The following LRRTM4 variants were observed in gnomAD, a reference collection of about 807,000 sequenced individuals.
The protein encoded by LRRTM4 is leucine-rich repeat transmembrane neuronal protein 4.
In LRRTM4, 25 loss-of-function variants were observed where a neutral mutation model predicts 47.6. The ratio of observed to expected loss-of-function variants is 0.53; its 90% CI spans 0.38 to 0.73. The LOEUF (loss-of-function observed/expected upper bound fraction) is 0.73. LRRTM4 is among the 30% of genes least tolerant of loss of function. The pLI, the probability that LRRTM4 is intolerant of heterozygous loss-of-function variation, is 0.00. For missense variants in LRRTM4, 638 were observed against 713.4 expected (o/e 0.89, Z 1.20); for synonymous variants, 311 against 269.5 (o/e 1.15, Z -1.51).
chr2:77,490,955 CA>C lies in LRRTM4; in HGVS notation c.1551+27362del, dbSNP rs1407782351. 1.3e-4 allele frequency among the ~76,000 whole-genome samples: 20 copies of C among 151,088 alleles called. 1 individual carries two copies. Among genetic ancestry groups the C allele is most frequent in the Admixed American group, 1.3e-3 (20 of 15,232 alleles). ...CAGTGCAACAGTTCACAAAATGATTCATTTTTTTTTCATATAATAAGGTAAA... is the reference window on the plus strand; with the variant it reads ...CAGTGCAACAGTTCACAAAATGATTCTTTTTTTTTCATATAATAAGGTAAA... On this transcript the variant is annotated intron_variant, in intron 3 of 3. Transcript: ENST00000409884.
At chr2:77,353,467 T>C (rs1671858461) in intron 3 of LRRTM4, among the ~76,000 whole-genome samples, 2 of 152,138 alleles carry the variant, frequency 1.3e-5, no homozygotes, top group African/African-American at 2.4e-5. Flanking sequence ...AATACAAAAA[T>C]CTATTACCTA....
At chr2:77,457,048 A>ATATATATATATG (rs1374730571) in intron 3 of LRRTM4, among the ~76,000 whole-genome samples, 10 of 14,648 alleles carry the variant, frequency 6.8e-4, no homozygotes, top group African/African-American at 1.7e-3. Context: ...ATATATATAT[A>ATATATATATATG]TATGTATAAC....
At chr2:76,956,859 A>G (rs1224109081) in intron 3 of LRRTM4, among the ~76,000 whole-genome samples, 34 of 151,560 alleles carry the variant, frequency 2.2e-4, no homozygotes, top group Non-Finnish European at 4.4e-5. Context: ...ATAAATTTCT[A>G]GAAACCTACA....
At chr2:76,975,874 T>C (rs1415144355) in intron 3 of LRRTM4, among the ~76,000 whole-genome samples, 1 of 151,758 alleles carries the variant, frequency 6.6e-6, no homozygotes, top group African/African-American at 2.4e-5. Flanking sequence ...AACAAGCAAA[T>C]AAGTCATAAC....
rs985052915 is a variant in LRRTM4 at position 77,522,173 on chromosome 2, C to T, written c.-212G>A. Reference sequence around the variant, plus strand: ...TAAAGCAATTCATCCTCTGGATTTTCAGTTCTTGAAGCAAGTAGGCCTCCT... The same window carrying T: ...TAAAGCAATTCATCCTCTGGATTTTTAGTTCTTGAAGCAAGTAGGCCTCCT... On this transcript the variant is annotated 5_prime_UTR_variant, in exon 1 of 4. Transcript: ENST00000409884. The T allele has an allele frequency of 1.4e-6, 1 of 714,240 alleles. No homozygotes were observed. Among genetic ancestry groups the T allele is most frequent in the Admixed American group, 2.0e-5 (1 of 49,782 alleles). The allele number at this position is 714,240 out of a possible 1,614,324, so 44.2% of individuals were successfully genotyped here.
chr2:77,480,823 GAGAGAGAGAGAGAGAGA>G (rs1255960760), intron 3 of LRRTM4, among the ~76,000 whole-genome samples: 2,450 of 24,156 alleles, frequency 0.1, 27 homozygotes, highest in Non-Finnish European at 0.18. Flanking sequence ...TGTGTGTGTG[GAGAGAGAGAGAGAGAGA>G]GAGAGAGAGA....
chr2:76,805,008 GATT>G (rs1403432909), intron 3 of LRRTM4, among the ~76,000 whole-genome samples: 1 of 152,066 alleles, frequency 6.6e-6, no homozygotes, highest in Non-Finnish European at 1.5e-5. Flanking sequence ...TAAAGCGGGA[GATT>G]GACTATGACC....
At chr2:76,759,763 A>C in intron 3 of LRRTM4, among the ~76,000 whole-genome samples, 1 of 151,598 alleles carries the variant, frequency 6.6e-6, no homozygotes, top group Non-Finnish European at 1.5e-5. Flanking sequence ...TTCCCCTCCA[A>C]CCCCATTTTT....
intron 3 of LRRTM4, among the ~76,000 whole-genome samples, chr2:77,367,326 G>A (rs1300883959): frequency 6.6e-6 from 1 of 151,290 alleles, no homozygotes. Context: ...CTACATGAAA[G>A]CAGGAGGCTG....
intron 3 of LRRTM4, among the ~76,000 whole-genome samples, chr2:77,091,273 G>A (rs1471777508): frequency 1.3e-5 from 2 of 149,096 alleles, no homozygotes; most frequent in East Asian, 4.0e-4. Flanking sequence ...ACAAGTATAA[G>A]ATACCTCTAC....
At chr2:76,763,595 G>A (rs1203372388) in intron 3 of LRRTM4, among the ~76,000 whole-genome samples, 1 of 152,190 alleles carries the variant, frequency 6.6e-6, no homozygotes, top group Non-Finnish European at 1.5e-5. Flanking sequence ...GATGAGTTAG[G>A]ACGATCCAAA....
At chr2:76,775,839 G>T (rs900019549) in intron 3 of LRRTM4, among the ~76,000 whole-genome samples, 1 of 151,934 alleles carries the variant, frequency 6.6e-6, no homozygotes, top group African/African-American at 2.4e-5. Flanking sequence ...CATGTGCCAT[G>T]CTGGTGCGCT....
chr2:77,247,738 T>C (rs1675486994), intron 3 of LRRTM4, among the ~76,000 whole-genome samples: 1 of 152,030 alleles, frequency 6.6e-6, no homozygotes. Flanking sequence ...CTTCCAATAA[T>C]ACGTGCCTAG....
intron 3 of LRRTM4, among the ~76,000 whole-genome samples, chr2:77,322,528 A>G (rs1381503651): frequency 6.6e-6 from 1 of 152,010 alleles, no homozygotes; most frequent in African/African-American, 2.4e-5. Context: ...GAACATTTCT[A>G]TATCCAATAA....
intron 3 of LRRTM4, among the ~76,000 whole-genome samples, chr2:76,999,255 T>C (rs2104017557): frequency 6.6e-6 from 1 of 152,174 alleles, no homozygotes; most frequent in Non-Finnish European, 1.5e-5. Flanking sequence ...ATGATCCAAA[T>C]CCCTCAGCTC....
At chr2:76,972,025 C>G (rs1383037840) in intron 3 of LRRTM4, among the ~76,000 whole-genome samples, 1 of 152,002 alleles carries the variant, frequency 6.6e-6, no homozygotes, top group Non-Finnish European at 1.5e-5. Flanking sequence ...CATCATTCTT[C>G]TTTTATGGCT....
intron 3 of LRRTM4, among the ~76,000 whole-genome samples, chr2:76,955,515 A>C (rs778626319): frequency 2.6e-5 from 4 of 151,824 alleles, no homozygotes; most frequent in Non-Finnish European, 4.4e-5. Flanking sequence ...GAATTCAATA[A>C]AACAGAAAAG....
At chr2:77,052,088 A>C (rs1679451634) in intron 3 of LRRTM4, among the ~76,000 whole-genome samples, 1 of 151,954 alleles carries the variant, frequency 6.6e-6, no homozygotes, top group African/African-American at 2.4e-5. Flanking sequence ...TGAAGGAAAA[A>C]ACAAAGGAAT....
At chr2:77,250,344 C>T (rs1675569480) in intron 3 of LRRTM4, among the ~76,000 whole-genome samples, 1 of 151,920 alleles carries the variant, frequency 6.6e-6, no homozygotes, top group Non-Finnish European at 1.5e-5. Flanking sequence ...TACATTTGTC[C>T]GTTGTAACAA....
Sources: allele counts gnomAD v4.1 joint callset (sites outside exome capture counted in the v4.1 genomes callset), GRCh38; gene constraint gnomAD v4.1.1; transcripts MANE v1.5; gene names NCBI Gene and HGNC (gene_info 2026-07-23, HGNC 2026-07-21).